Variants in COL6A6 observed in about 807,000 individuals in gnomAD.
COL6A6 encodes collagen alpha-6(VI) chain.
A neutral mutation model predicts 208.6 loss-of-function variants in COL6A6; 183 were observed. The observed-to-expected ratio is 0.88, with a 90% CI of 0.78 to 0.99. The LOEUF is 0.99. COL6A6 is among the 50% of genes least tolerant of loss of function. The pLI is 0.00. For missense variants in COL6A6, 2,816 were observed against 2,815.2 expected, an observed-to-expected ratio of 1.00 and a Z score of -0.01; for synonymous variants, 973 against 1,011.8, an observed-to-expected ratio of 0.96 and a Z score of 0.73.
At chr3:130,518,218 G>A (rs1189188364) in intron 1 of COL6A6, among the ~76,000 whole-genome samples, 1 of 152,140 alleles carries the variant, frequency 6.6e-6, no homozygotes, top group Non-Finnish European at 1.5e-5. Context: ...GGTGGTGACG[G>A]TGATTAGGAA....
intron 1 of COL6A6, among the ~76,000 whole-genome samples, chr3:130,547,883 C>T (rs1431290834): frequency 1.3e-5 from 2 of 152,190 alleles, no homozygotes; most frequent in African/African-American, 4.8e-5. Flanking sequence ...CTGCAACCTT[C>T]GCCTCCCGGG....
chr3:130,671,293 C>T (rs2066208919), intron 36 of COL6A6, among the ~76,000 whole-genome samples: 1 of 152,116 alleles, frequency 6.6e-6, no homozygotes. Flanking sequence ...TTTTGAAAAC[C>T]ACTCCTACCA....
intron 28 of COL6A6, among the ~76,000 whole-genome samples, chr3:130,636,736 C>G (rs1161544528): frequency 8.2e-6 from 1 of 121,960 alleles, no homozygotes; most frequent in Non-Finnish European, 1.7e-5. Context: ...GCCTCTTCCT[C>G]CCCTTCCCCC....
chr3:130,623,224 G>A (rs577970561), intron 24 of COL6A6, among the ~76,000 whole-genome samples: 9 of 152,278 alleles, frequency 5.9e-5, no homozygotes, highest in Admixed American at 2.0e-4. Context: ...TTGGGAAGCC[G>A]AGCCAGGTGG....
At chr3:130,639,994 G>A (rs1014863989) in intron 28 of COL6A6, among the ~76,000 whole-genome samples, 4 of 152,156 alleles carry the variant, frequency 2.6e-5, no homozygotes, top group Non-Finnish European at 2.9e-5. Flanking sequence ...CTCAGATACT[G>A]TAGGTTCTCA....
intron 33 of COL6A6, among the ~76,000 whole-genome samples, chr3:130,653,954 G>A (rs978570926): frequency 3.9e-5 from 6 of 152,228 alleles, no homozygotes; most frequent in African/African-American, 1.4e-4. Flanking sequence ...GTGATTAAAT[G>A]TGAGCCTAAA....
intron 24 of COL6A6, among the ~76,000 whole-genome samples, chr3:130,622,744 C>A (rs939792490): frequency 3.3e-5 from 5 of 152,046 alleles, no homozygotes; most frequent in Non-Finnish European, 5.9e-5. Flanking sequence ...GTAGTCCCAG[C>A]TACTCAGGAG....
intron 1 of COL6A6, among the ~76,000 whole-genome samples, chr3:130,554,213 C>G (rs762129341): frequency 1.3e-5 from 2 of 152,198 alleles, no homozygotes; most frequent in African/African-American, 2.4e-5. Flanking sequence ...TTGGAGTGCA[C>G]ATTTCTTGGC....
At chr3:130,570,694 A>C (rs188396760) in intron 6 of COL6A6, 124 bp from the exon 7 acceptor site, 13 of 700,134 alleles carry the variant, frequency 1.9e-5, no homozygotes, top group Middle Eastern at 2.5e-4. Context: ...CAGGGAACCG[A>C]CATTCTAATG....
chr3:130,673,272 C>T (rs190582227), intron 36 of COL6A6, among the ~76,000 whole-genome samples: 2 of 137,966 alleles, frequency 1.4e-5, no homozygotes, highest in East Asian at 2.1e-4. Flanking sequence ...TAGTGAAAAA[C>T]GGAAATTCAA....
At chr3:130,672,908 C>G (rs1256194320) in intron 36 of COL6A6, among the ~76,000 whole-genome samples, 1 of 150,990 alleles carries the variant, frequency 6.6e-6, no homozygotes, top group African/African-American at 2.4e-5. Context: ...ACTTGGGAGG[C>G]TGAGGCAGGA....
intron 20 of COL6A6, among the ~76,000 whole-genome samples, chr3:130,604,759 G>GA (rs1355308156): frequency 1.3e-5 from 2 of 152,196 alleles, no homozygotes; most frequent in Admixed American, 6.5e-5. Flanking sequence ...GACAAAAGGG[G>GA]AAAAAATGTT....
At chr3:130,612,584 G>C (rs1360434384) in intron 23 of COL6A6, among the ~76,000 whole-genome samples, 1 of 152,164 alleles carries the variant, frequency 6.6e-6, no homozygotes, top group Non-Finnish European at 1.5e-5. Flanking sequence ...TGTTTGTTGT[G>C]CTTCTCTCCC....
chr3:130,583,849 T>C (rs2063477597), intron 10 of COL6A6, among the ~76,000 whole-genome samples: 1 of 152,230 alleles, frequency 6.6e-6, no homozygotes, highest in African/African-American at 2.4e-5. Context: ...TTCCCATACT[T>C]ACACAGGACT....
chr3:130,589,284 C>A, intron 12 of COL6A6, 102 bp downstream of exon 12: 2 of 691,928 alleles, frequency 2.9e-6, no homozygotes, highest in Non-Finnish European at 5.0e-6. Flanking sequence ...CTAAATAGAG[C>A]CTCTTATATA....
intron 1 of COL6A6, among the ~76,000 whole-genome samples, chr3:130,545,893 A>G (rs1406174334): frequency 6.6e-6 from 1 of 151,912 alleles, no homozygotes; most frequent in Non-Finnish European, 1.5e-5. Flanking sequence ...ATTTGGGAAA[A>G]TTCTCTCAGT....
chr3:130,531,977 G>C (rs1243139059), intron 1 of COL6A6, among the ~76,000 whole-genome samples: 2 of 152,204 alleles, frequency 1.3e-5, no homozygotes, highest in African/African-American at 2.4e-5. Context: ...TTTGGGAGGT[G>C]TGTTTAGGAT....
At chr3:130,535,669 T>C (rs2062206612) in intron 1 of COL6A6, among the ~76,000 whole-genome samples, 2 of 152,206 alleles carry the variant, frequency 1.3e-5, no homozygotes, top group African/African-American at 4.8e-5. Flanking sequence ...CCTTTGCCTC[T>C]GCAGCTGCTG....
intron 36 of COL6A6, 133 bp downstream of exon 36, chr3:130,665,229 A>C: frequency 1.7e-6 from 1 of 585,184 alleles, no homozygotes; most frequent in South Asian, 2.4e-5. Context: ...CATGATATTA[A>C]AATATAATTC....
Sources: gnomAD v4.1 joint callset for allele counts (sites outside exome capture counted in the v4.1 genomes callset) on GRCh38, gnomAD v4.1.1 for gene constraint, MANE v1.5 for transcripts, NCBI Gene and HGNC (gene_info 2026-07-23, HGNC 2026-07-21) for gene names.